The following PDE4B variants were observed in gnomAD, a reference collection of about 807,000 sequenced individuals.
The protein encoded by PDE4B is phosphodiesterase 4B, also known as 3',5'-cyclic-AMP phosphodiesterase 4B.
In PDE4B, 20 loss-of-function variants were observed where a neutral mutation model predicts 82.2. The observed-to-expected ratio is 0.24, with a 90% CI of 0.17 to 0.35. The LOEUF (loss-of-function observed/expected upper bound fraction) is 0.35. Ranked by LOEUF, PDE4B falls within the 10% of genes least tolerant of loss-of-function variation. The pLI is 1.00. For missense variants in PDE4B, 655 were observed against 907.2 expected (o/e 0.72, Z 3.57); for synonymous variants, 320 against 318.9 (o/e 1.00, Z -0.04).
intron 1 of PDE4B, among the ~76,000 whole-genome samples, chr1:65,824,220 T>A (rs1645988938): frequency 6.6e-6 from 1 of 152,192 alleles, no homozygotes; most frequent in African/African-American, 2.4e-5. Flanking sequence ...CTCAGGCTGG[T>A]GTGTTCTTTT....
At chr1:66,081,880 TC>T (rs1656759328) in intron 3 of PDE4B, among the ~76,000 whole-genome samples, 1 of 150,816 alleles carries the variant, frequency 6.6e-6, no homozygotes, top group Non-Finnish European at 1.5e-5. Flanking sequence ...CTATGAATAC[TC>T]TGGATTTGCA....
chr1:66,359,444 T>C (rs1465531727), intron 9 of PDE4B, among the ~76,000 whole-genome samples: 1 of 152,236 alleles, frequency 6.6e-6, no homozygotes, highest in Non-Finnish European at 1.5e-5. Flanking sequence ...TGGCTAAGCA[T>C]TTAATAGAGG....
rs17128638 is a variant in PDE4B, at chr1:66,241,121, G to T, written c.282-6339G>T. Among the ~76,000 whole-genome samples, 1,130 of 152,356 alleles carry T rather than the reference G, an allele frequency of 7.4e-3. 12 individuals are homozygous for T. Among genetic ancestry groups the T allele is most frequent in the African/African-American group, 0.026 (1,061 of 41,578 alleles). On this transcript the variant is annotated intron_variant, in intron 3 of 16. Transcript: ENST00000341517. ...TCAGATGAGCTGAACATCAGAGTTC[G>T]TCTTCCTAGTCTGTGGAAGGGAAGT...
intron 3 of PDE4B, among the ~76,000 whole-genome samples, chr1:65,994,394 T>A (rs1019169552): frequency 3.9e-5 from 6 of 152,066 alleles, no homozygotes; most frequent in Non-Finnish European, 7.4e-5. Context: ...AATGGCTTTA[T>A]TGCAGATTTT....
intron 3 of PDE4B, among the ~76,000 whole-genome samples, chr1:66,234,680 A>G (rs1652263245): frequency 6.6e-6 from 1 of 151,508 alleles, no homozygotes; most frequent in Non-Finnish European, 1.5e-5. Context: ...AGTAACTTGT[A>G]TCTCTTCTTT....
At chr1:66,245,193 A>G (rs1172363614) in intron 3 of PDE4B, among the ~76,000 whole-genome samples, 1 of 152,230 alleles carries the variant, frequency 6.6e-6, no homozygotes, top group Non-Finnish European at 1.5e-5. Flanking sequence ...TCCTTTAGTT[A>G]CTGGATCACC....
intron 3 of PDE4B, among the ~76,000 whole-genome samples, chr1:66,127,972 T>G (rs1429668832): frequency 6.6e-6 from 1 of 152,176 alleles, no homozygotes. Flanking sequence ...TAATTCTATT[T>G]CAGTGTTTAG....
intron 3 of PDE4B, among the ~76,000 whole-genome samples, chr1:66,069,171 A>C (rs1021310468): frequency 2.0e-5 from 3 of 152,016 alleles, no homozygotes; most frequent in African/African-American, 7.2e-5. Flanking sequence ...TAACCTGGGC[A>C]TTGAAGTGCA....
chr1:66,103,512 A>G (rs1008100518), intron 3 of PDE4B, among the ~76,000 whole-genome samples: 4 of 152,128 alleles, frequency 2.6e-5, no homozygotes, highest in South Asian at 2.1e-4. Flanking sequence ...TAATAGTGAT[A>G]TGGTTTAGAC....
chr1:65,793,230 T>C lies in PDE4B; in HGVS notation c.-89T>C, dbSNP rs1645593407. On this transcript the variant is annotated 5_prime_UTR_variant, in exon 1 of 17. Transcript: ENST00000341517. Reference sequence around the variant, plus strand: ...CGCCTCGGGCAGGAGGAGGGCGGCTTCTGCGAGGGCAGCCTGAGGTAAGGG... The same window carrying C: ...CGCCTCGGGCAGGAGGAGGGCGGCTCCTGCGAGGGCAGCCTGAGGTAAGGG... The C allele has an allele frequency of 6.6e-6, 1 of 152,374 alleles. No homozygotes were observed. The highest frequency in any genetic ancestry group is 1.5e-5 in the Non-Finnish European group (1 of 68,236). The allele number at this position is 152,374 out of a possible 1,614,324, so 9.4% of individuals were successfully genotyped here. A position where few individuals can be genotyped will look rare whatever the true frequency, so the allele number is the denominator to read the frequency against.
At chr1:65,815,983 A>G (rs1243650317) in intron 1 of PDE4B, among the ~76,000 whole-genome samples, 1 of 152,138 alleles carries the variant, frequency 6.6e-6, no homozygotes, top group Non-Finnish European at 1.5e-5. Context: ...TGAGAAAAAA[A>G]TAACAACTGC....
In PDE4B at chr1:66,372,541, C is replaced by A. The variant is rs778166660; in HGVS notation, c.2074C>A (p.Pro692Thr). 1 of 1,614,120 alleles carries A rather than the reference C, an allele frequency of 6.2e-7. No homozygotes were observed. The highest frequency in any genetic ancestry group is 1.1e-5 in the South Asian group (1 of 91,084). The change falls in exon 17 of 17, where the codon CCT becomes ACT. Residue 692 changes from proline (P) to threonine (T), a missense_variant. This residue lies in a region of PDE4B where 119 missense variants were observed against 115.2 expected (regional missense o/e 1.03). Coordinates refer to ENST00000341517, the MANE Select transcript of PDE4B (RefSeq NM_002600.4). ...TCTCGATGAGGAAGATTCTGAAGGA[C>A]CTGAGAAGGAGGGAGAGGGACACAG... Reference protein sequence around the residue: ...LTLDEEDSEGPEKEGEGHSYF... With the variant: ...LTLDEEDSEGTEKEGEGHSYF...
intron 1 of PDE4B, among the ~76,000 whole-genome samples, chr1:65,802,268 C>G (rs1447348081): frequency 6.6e-6 from 1 of 152,132 alleles, no homozygotes; most frequent in Non-Finnish European, 1.5e-5. Context: ...TTTGACTCCA[C>G]TGTAATTAGT....
intron 3 of PDE4B, among the ~76,000 whole-genome samples, chr1:66,067,282 T>G (rs568223817): frequency 1.2e-3 from 180 of 152,216 alleles, no homozygotes; most frequent in African/African-American, 4.1e-3. Flanking sequence ...CCACAATGGT[T>G]GAACTAGTTT....
intron 3 of PDE4B, among the ~76,000 whole-genome samples, chr1:66,117,700 G>A (rs962586901): frequency 2.0e-5 from 3 of 152,038 alleles, no homozygotes; most frequent in African/African-American, 2.4e-5. Context: ...GGCAGTCCAC[G>A]GACTTATAAA....
chr1:66,100,889 T>C (rs1645208311), intron 3 of PDE4B, among the ~76,000 whole-genome samples: 1 of 152,184 alleles, frequency 6.6e-6, no homozygotes, highest in African/African-American at 2.4e-5. Flanking sequence ...CGTGCAGGTT[T>C]GTTGCATATG....
At chr1:66,159,818 A>G (rs1646574730) in intron 3 of PDE4B, among the ~76,000 whole-genome samples, 1 of 152,222 alleles carries the variant, frequency 6.6e-6, no homozygotes, top group Non-Finnish European at 1.5e-5. Context: ...CAAAATTTAC[A>G]GAGAATAGAG....
chr1:65,965,287 G>A (rs1021286616), intron 3 of PDE4B, among the ~76,000 whole-genome samples: 4 of 151,988 alleles, frequency 2.6e-5, no homozygotes, highest in Non-Finnish European at 4.4e-5. Flanking sequence ...TTTACTGTAC[G>A]ATTAATTAGA....
At chr1:66,122,246 T>C (rs1645724095) in intron 3 of PDE4B, among the ~76,000 whole-genome samples, 1 of 152,242 alleles carries the variant, frequency 6.6e-6, no homozygotes, top group Non-Finnish European at 1.5e-5. Context: ...TGTTAACACA[T>C]GCAAAACACT....
Sources: gnomAD v4.1 joint callset for allele counts (sites outside exome capture counted in the v4.1 genomes callset) on GRCh38, gnomAD v4.1.1 for gene constraint, gnomAD v4.1.1 regional missense constraint, MANE v1.5 for transcripts, NCBI Gene and HGNC (gene_info 2026-07-23, HGNC 2026-07-21) for gene names.